ZNF18: variants seen among roughly 807,000 people sequenced by gnomAD.
ZNF18 encodes heart development-specific gene 1 protein.
A neutral mutation model predicts 58.1 loss-of-function variants in ZNF18; 42 were observed. That is an observed-to-expected ratio of 0.72 (90% CI 0.56 to 0.93). The LOEUF is 0.93. Among genes scored for constraint, ZNF18 ranks in the 40% least tolerant of loss-of-function variants. The pLI, the probability that ZNF18 is intolerant of heterozygous loss-of-function variation, is 0.00. For missense variants in ZNF18, 540 were observed against 644.2 expected, an observed-to-expected ratio of 0.84 and a Z score of 1.75; for synonymous variants, 231 against 239.8, an observed-to-expected ratio of 0.96 and a Z score of 0.34.
At chr17:12,005,411 G>A in the ZNF18 span, among the ~76,000 whole-genome samples, 6 of 152,106 alleles carry the variant, frequency 3.9e-5, no homozygotes, top group Admixed American at 3.9e-4. Flanking sequence ...TTATGAAAAT[G>A]TAATGTCTCT....
At chr17:12,020,792 C>T in the ZNF18 span, 3 of 516,748 alleles carry the variant, frequency 5.8e-6, no homozygotes, top group East Asian at 3.8e-5. Flanking sequence ...GAGGCGGGGC[C>T]AAGGCGGGGG....
At chr17:11,981,134 T>C (rs1967314953) in intron 6 of ZNF18, among the ~76,000 whole-genome samples, 2 of 152,122 alleles carry the variant, frequency 1.3e-5, no homozygotes, top group Non-Finnish European at 1.5e-5. Context: ...AACTGTTGTA[T>C]TTTTCAAACC....
intron 1 of ZNF18, among the ~76,000 whole-genome samples, chr17:11,996,260 A>G (rs1968463156): frequency 6.6e-6 from 1 of 152,230 alleles, no homozygotes; most frequent in African/African-American, 2.4e-5. Context: ...AAACGAATAA[A>G]TATATTTTTA....
intron 2 of ZNF18, among the ~76,000 whole-genome samples, chr17:11,991,482 G>A (rs1046749344): frequency 2.0e-5 from 3 of 152,212 alleles, no homozygotes; most frequent in Non-Finnish European, 2.9e-5. Flanking sequence ...GGTGGAATGC[G>A]CTGGGAGACT....
At chr17:11,987,426 T>C (rs1027983132) in intron 4 of ZNF18, among the ~76,000 whole-genome samples, 2 of 152,224 alleles carry the variant, frequency 1.3e-5, no homozygotes, top group East Asian at 3.8e-4. Context: ...TTCCAAAGGA[T>C]TCCATTAAAT....
chr17:12,017,149 A>T, the ZNF18 span, among the ~76,000 whole-genome samples: 1 of 151,854 alleles, frequency 6.6e-6, no homozygotes, highest in South Asian at 2.1e-4. Flanking sequence ...GTGAGCTGAG[A>T]TCATGCCACT....
At chr17:12,005,141 C>G in the ZNF18 span, among the ~76,000 whole-genome samples, 2 of 149,832 alleles carry the variant, frequency 1.3e-5, no homozygotes, top group Non-Finnish European at 3.0e-5. Context: ...GTTATGGACT[C>G]AGAAGTTATA....
the ZNF18 span, among the ~76,000 whole-genome samples, chr17:12,006,747 A>G: frequency 3.9e-5 from 6 of 152,320 alleles, no homozygotes; most frequent in South Asian, 1.0e-3. Context: ...CTCAAAAAAA[A>G]GAACTGAGCA....
chr17:11,995,135 G>A (rs532431321), intron 1 of ZNF18, among the ~76,000 whole-genome samples: 7 of 151,950 alleles, frequency 4.6e-5, no homozygotes, highest in African/African-American at 1.4e-4. Flanking sequence ...AGGTCTGAGC[G>A]CAGTGGCTCA....
At chr17:11,994,827 C>G (rs543252193) in intron 1 of ZNF18, among the ~76,000 whole-genome samples, 1 of 151,462 alleles carries the variant, frequency 6.6e-6, no homozygotes, top group Admixed American at 6.6e-5. Flanking sequence ...GGCGACAGAG[C>G]GAGACTCCGT....
chr17:11,997,495 G>C (rs534878116), upstream of ZNF18: 3 of 152,268 alleles, frequency 2.0e-5, no homozygotes, highest in African/African-American at 7.2e-5. Context: ...CGCCTCAGGC[G>C]GCAGGCGAAC....
At chr17:11,988,503 G>C (rs115424024) in intron 4 of ZNF18, among the ~76,000 whole-genome samples, 86 of 152,226 alleles carry the variant, frequency 5.6e-4, no homozygotes, top group African/African-American at 2.0e-3. Context: ...GAGATCTACA[G>C]AGCGTCCCCG....
chr17:12,005,365 G>A, the ZNF18 span, among the ~76,000 whole-genome samples: 2 of 152,024 alleles, frequency 1.3e-5, no homozygotes, highest in Non-Finnish European at 2.9e-5. Flanking sequence ...CGTATAAAAA[G>A]TTTTGTGCTT....
Position 11,978,095 on chromosome 17 carries a change from T to G in ZNF18, c.1512A>C (p.Arg504Ser). ...CPICEKSFIQ[R>S]SNFNRHQRVH... is the part of the protein sequence containing the mutation. The stretch of plus-strand genomic sequence containing the variant: ...CCCTCTGATGTCTATTAAAGTTTGA[T>G]CTCTGAATGAAACTTTTCTCACAGA... Residue 504 changes from arginine (R) to serine (S), a missense_variant, in exon 7 of 7, where the codon AGA becomes AGC. By Grantham distance (110) the Arg-to-Ser change is moderately radical. Transcript: ENST00000580306. 6.2e-7 allele frequency: 1 copy of G among 1,614,102 alleles called. No homozygotes were observed. Among genetic ancestry groups the G allele is most frequent in the Non-Finnish European group, 8.5e-7 (1 of 1,180,032 alleles).
chr17:12,010,859 TTC>T, the ZNF18 span: 4 of 487,398 alleles, frequency 8.2e-6, no homozygotes, highest in Non-Finnish European at 1.5e-5. Flanking sequence ...CCAGGTACTT[TTC>T]TCTTTGTCTT....
intron 4 of ZNF18, 22 bp from the exon 5 acceptor site, chr17:11,984,219 C>G (rs764938053): frequency 1.4e-4 from 177 of 1,303,332 alleles, no homozygotes; most frequent in Non-Finnish European, 1.8e-4. Context: ...AAAAAAAAAG[C>G]AATACAATAC....
At chr17:12,009,655 G>A in the ZNF18 span, among the ~76,000 whole-genome samples, 3 of 151,948 alleles carry the variant, frequency 2.0e-5, no homozygotes, top group East Asian at 1.9e-4. Flanking sequence ...GTTTCACCAC[G>A]TTGGCCAGGC....
the ZNF18 span, among the ~76,000 whole-genome samples, chr17:12,007,213 T>C: frequency 6.6e-6 from 1 of 152,216 alleles, no homozygotes; most frequent in African/African-American, 2.4e-5. Flanking sequence ...AGACTCTATG[T>C]TGATCTCCCT....
chr17:11,978,981 CA>C (rs1475615051), intron 6 of ZNF18, among the ~76,000 whole-genome samples: 1 of 147,710 alleles, frequency 6.8e-6, no homozygotes, highest in African/African-American at 2.5e-5. Flanking sequence ...GATTTTTAAA[CA>C]ACACAGGAGT....
Sources: allele counts gnomAD v4.1 joint callset (sites outside exome capture counted in the v4.1 genomes callset), GRCh38; gene constraint gnomAD v4.1.1; transcripts MANE v1.5; gene names NCBI Gene and HGNC (gene_info 2026-07-23, HGNC 2026-07-21).